Variants in MTHFD2L observed in about 807,000 individuals in gnomAD.
MTHFD2L encodes the protein methylenetetrahydrofolate dehydrogenase (NADP+ dependent) 2 like, also known as bifunctional methylenetetrahydrofolate dehydrogenase/cyclohydrolase 2, mitochondrial.
In MTHFD2L, 29 loss-of-function variants were observed where a neutral mutation model predicts 34.9. That is an observed-to-expected ratio of 0.83 (90% CI 0.62 to 1.13). The LOEUF (loss-of-function observed/expected upper bound fraction) is 1.13. MTHFD2L is among the 50% of genes most tolerant of loss of function. MTHFD2L has a pLI of 0.00. For missense variants in MTHFD2L, 481 were observed against 446.5 expected (o/e 1.08, Z -0.70); for synonymous variants, 167 against 155.7 (o/e 1.07, Z -0.54).
intron 5 of MTHFD2L, among the ~76,000 whole-genome samples, chr4:74,207,681 A>G (rs905258442): frequency 6.6e-6 from 1 of 151,620 alleles, no homozygotes; most frequent in African/African-American, 2.4e-5. Context: ...TTCAAGAGGC[A>G]CCCTATCTAA....
intron 6 of MTHFD2L, among the ~76,000 whole-genome samples, chr4:74,258,293 C>T (rs1320666604): frequency 2.6e-5 from 4 of 152,082 alleles, no homozygotes; most frequent in Non-Finnish European, 5.9e-5. Context: ...TAACTTGCAG[C>T]ATGATTCACA....
At chr4:74,182,011 ATGTT>A (rs1392306249) in intron 3 of MTHFD2L, among the ~76,000 whole-genome samples, 2 of 152,134 alleles carry the variant, frequency 1.3e-5, no homozygotes, top group East Asian at 3.8e-4. Context: ...TATTATTAAA[ATGTT>A]TGACCAGAGT....
intron 6 of MTHFD2L, among the ~76,000 whole-genome samples, chr4:74,229,527 T>C (rs1739687301): frequency 6.6e-6 from 1 of 152,144 alleles, no homozygotes; most frequent in African/African-American, 2.4e-5. Flanking sequence ...GAAAGAATGA[T>C]AATGTCTGAG....
intron 1 of MTHFD2L, among the ~76,000 whole-genome samples, chr4:74,128,026 T>G (rs74965223): frequency 0.035 from 5,348 of 152,248 alleles, 126 homozygotes; most frequent in Middle Eastern, 0.085. Flanking sequence ...TTCATATAAC[T>G]GTTGGCCATT....
intron 7 of MTHFD2L, among the ~76,000 whole-genome samples, chr4:74,294,568 C>T (rs927604974): frequency 4.6e-5 from 7 of 152,028 alleles, no homozygotes; most frequent in African/African-American, 1.7e-4. Flanking sequence ...CTTTATGTTG[C>T]TATTGGTATC....
At chr4:74,199,724 C>T (rs1734084587) in intron 3 of MTHFD2L, 70 bp from the exon 4 acceptor site, 3 of 1,338,984 alleles carry the variant, frequency 2.2e-6, no homozygotes, top group Admixed American at 2.1e-5. Context: ...TTTAGATTCT[C>T]AGATTTCATT....
intron 1 of MTHFD2L, among the ~76,000 whole-genome samples, chr4:74,163,446 A>G (rs562511696): frequency 5.9e-5 from 9 of 152,336 alleles, no homozygotes; most frequent in South Asian, 2.1e-4. Context: ...TTTGAAAACA[A>G]TGGATATTGT....
At position 74,218,992 on chromosome 4, in the gene MTHFD2L, T is replaced by C. The variant is rs147296189; in HGVS notation, c.713-6310T>C. Among the ~76,000 whole-genome samples, 1,022 of 152,122 alleles carry C rather than the reference T, an allele frequency of 6.7e-3. 28 individuals are homozygous for C. The highest frequency in any genetic ancestry group is 0.046 in the East Asian group (238 of 5,186). Reference sequence around the variant, plus strand: ...AATATAAATAACAACAAAAATAATATAAAAATAGTATAAAACTATTTACAT... The same window carrying C: ...AATATAAATAACAACAAAAATAATACAAAAATAGTATAAAACTATTTACAT... On this transcript the variant is annotated intron_variant, in intron 5 of 7. Transcript: ENST00000325278.
chr4:74,176,300 G>A (rs560014329), intron 3 of MTHFD2L, among the ~76,000 whole-genome samples: 4 of 151,968 alleles, frequency 2.6e-5, no homozygotes, highest in Non-Finnish European at 5.9e-5. Flanking sequence ...AAATGACTTT[G>A]TTTTTTATGT....
At chr4:74,143,568 T>C (rs952801459) in intron 1 of MTHFD2L, 2 of 334,564 alleles carry the variant, frequency 6.0e-6, no homozygotes, top group Non-Finnish European at 8.5e-6. Flanking sequence ...CCATTTTCTA[T>C]TTTCCTACTT....
intron 1 of MTHFD2L, among the ~76,000 whole-genome samples, chr4:74,133,924 G>A (rs756249585): frequency 6.6e-6 from 1 of 152,120 alleles, no homozygotes; most frequent in African/African-American, 2.4e-5. Flanking sequence ...ATGAGGATGA[G>A]ACAGTTCCTG....
intron 3 of MTHFD2L, chr4:74,190,364 G>C (rs1732255701): frequency 2.1e-6 from 1 of 472,184 alleles, no homozygotes; most frequent in African/African-American, 2.1e-5. Flanking sequence ...ACCTTTGCGT[G>C]ATGTGTAGGT....
chr4:74,115,730 G>T (rs958195775), intron 2 of MTHFD2L, among the ~76,000 whole-genome samples: 14 of 152,168 alleles, frequency 9.2e-5, no homozygotes, highest in African/African-American at 3.4e-4. Context: ...AAATACTCGT[G>T]TATATTAGCA....
At chr4:74,296,185 T>G (rs1200353676) in intron 7 of MTHFD2L, among the ~76,000 whole-genome samples, 1 of 152,140 alleles carries the variant, frequency 6.6e-6, no homozygotes. Flanking sequence ...ATAAAGATGT[T>G]GGGCCAGAAG....
intron 2 of MTHFD2L, 32 bp from the exon 3 acceptor site, chr4:74,175,249 C>G (rs1728803689): frequency 1.2e-6 from 2 of 1,604,300 alleles, no homozygotes; most frequent in Non-Finnish European, 1.7e-6. Context: ...TTCAGTTAGT[C>G]AAGTGACCTT....
At chr4:74,250,941 G>A (rs1220007722) in intron 6 of MTHFD2L, among the ~76,000 whole-genome samples, 3 of 152,146 alleles carry the variant, frequency 2.0e-5, no homozygotes, top group African/African-American at 7.2e-5. Context: ...TGGGAAAAAT[G>A]CCTCTCCCTT....
chr4:74,126,689 CAT>C (rs925107063), intron 1 of MTHFD2L, among the ~76,000 whole-genome samples: 4 of 152,184 alleles, frequency 2.6e-5, no homozygotes, highest in Middle Eastern at 6.8e-3. Flanking sequence ...CAAAAACAAA[CAT>C]AAAAAATATG....
rs1395581527 is a variant in MTHFD2L, at chr4:74,288,876, T to TTA, written c.931+7329_931+7330dup. Among the ~76,000 whole-genome samples, 5 of 152,334 alleles carry TTA rather than the reference T, an allele frequency of 3.3e-5. No homozygotes were observed. In the East Asian group the frequency reaches 9.6e-4, roughly 29 times the overall value. ...ATAGATTTGATACTTTTTGACCATG[T>TTA]TATACAATTTTGAAAATTGTGTCAG... On this transcript the variant is annotated intron_variant, in intron 7 of 7. Transcript: ENST00000325278.
At chr4:74,240,653 T>C (rs997483528) in intron 6 of MTHFD2L, among the ~76,000 whole-genome samples, 11 of 152,202 alleles carry the variant, frequency 7.2e-5, no homozygotes, top group African/African-American at 2.7e-4. Flanking sequence ...TGAGACGTTA[T>C]CTCTGGTAGA....
Sources: gnomAD v4.1 joint callset for allele counts (sites outside exome capture counted in the v4.1 genomes callset) on GRCh38, gnomAD v4.1.1 for gene constraint, MANE v1.5 for transcripts, NCBI Gene and HGNC (gene_info 2026-07-23, HGNC 2026-07-21) for gene names.